Variants in LRRK2 observed in about 807,000 individuals in gnomAD.
LRRK2 encodes the protein leucine rich repeat kinase 2.
A neutral mutation model predicts 302.6 loss-of-function variants in LRRK2; 203 were observed. The ratio of observed to expected loss-of-function variants is 0.67; its 90% CI spans 0.60 to 0.75. The LOEUF is 0.75. Among genes scored for constraint, LRRK2 ranks in the 30% least tolerant of loss-of-function variants. The pLI, the probability that LRRK2 is intolerant of heterozygous loss-of-function variation, is 0.00. For missense variants in LRRK2, 2,830 were observed against 2,951.0 expected, an observed-to-expected ratio of 0.96 and a Z score of 0.95; for synonymous variants, 1,066 against 1,031.9, an observed-to-expected ratio of 1.03 and a Z score of -0.63.
rs1942262073 is a variant in LRRK2 at position 40,251,352 on chromosome 12, A to G, written c.1079A>G (p.His360Arg). ...LEACYKALTW[H>R]RKNKHVQEAA... ...GCCTGTTACAAAGCATTAACGTGGCATAGAAAGAACAAGCACGTGCAGGTA... is the reference window on the plus strand; with the variant it reads ...GCCTGTTACAAAGCATTAACGTGGCGTAGAAAGAACAAGCACGTGCAGGTA... Residue 360 changes from histidine (H) to arginine (R), a missense_variant, in exon 9 of 51, where the codon CAT (histidine) becomes CGT (arginine). Physicochemically the swap from His to Arg is conservative, Grantham distance 29. Transcript: ENST00000298910. 4 of 1,613,926 alleles carry G rather than the reference A, an allele frequency of 2.5e-6. No homozygotes were observed. Among genetic ancestry groups the G allele is most frequent in the Admixed American group, 1.7e-5 (1 of 59,988 alleles).
intron 4 of LRRK2, among the ~76,000 whole-genome samples, chr12:40,236,769 A>G (rs1391369237): frequency 6.6e-6 from 1 of 152,166 alleles, no homozygotes. Flanking sequence ...GGTACTCAAC[A>G]TTTCACTACA....
chr12:40,313,898 A>G (rs1487107866), intron 31 of LRRK2, 74 bp from the exon 32 acceptor site: 4 of 1,219,230 alleles, frequency 3.3e-6, no homozygotes, highest in Non-Finnish European at 4.8e-6. Context: ...AACTGTTAGC[A>G]CTGAATTTGC....
rs534247869 is a variant in LRRK2 at position 40,311,335 on chromosome 12, CAG to C, written c.4536+692_4536+693del. Reference sequence around the variant, plus strand: ...TATAAAATGTAAATAAATCAGTTATCAGAGAGAACACTTTTTTTTTTAAATAC... The same window carrying C: ...TATAAAATGTAAATAAATCAGTTATCAGAGAACACTTTTTTTTTTAAATAC... On this transcript the variant is annotated intron_variant, in intron 31 of 50. Transcript: ENST00000298910. 4.2e-5 allele frequency among the ~76,000 whole-genome samples: 5 copies of C among 118,364 alleles called. No individual in the cohort carries two copies. In the East Asian group the frequency reaches 1.1e-3, roughly 25 times the overall value. The allele number at this position is 118,364 out of a possible 152,430, so 77.7% of individuals were successfully genotyped here.
intron 40 of LRRK2, among the ~76,000 whole-genome samples, chr12:40,337,760 C>T (rs182864845): frequency 2.6e-5 from 4 of 152,330 alleles, no homozygotes; most frequent in Non-Finnish European, 1.5e-5. Flanking sequence ...AACTTCTTGG[C>T]ATAGCATCAA....
chr12:40,313,714 A>G (rs1190281494), intron 31 of LRRK2, among the ~76,000 whole-genome samples: 1 of 151,860 alleles, frequency 6.6e-6, no homozygotes. Context: ...ATTTCTGGAT[A>G]GCGAGATAAA....
intron 21 of LRRK2, among the ~76,000 whole-genome samples, chr12:40,294,125 TATCTATC>T (rs1399347469): frequency 1.6e-5 from 2 of 126,312 alleles, no homozygotes; most frequent in East Asian, 2.3e-4. Context: ...TTCATCTATC[TATCTATC>T]ATCTATCTAT....
intron 46 of LRRK2, 142 bp from the exon 47 acceptor site, chr12:40,359,118 A>T: frequency 1.4e-6 from 1 of 715,522 alleles, no homozygotes; most frequent in South Asian, 1.9e-5. Context: ...TTTTTAATGG[A>T]ATCTTTAGGT....
intron 22 of LRRK2, 128 bp from the exon 23 acceptor site, chr12:40,295,299 T>C (rs1336447746): frequency 1.3e-6 from 1 of 797,296 alleles, no homozygotes; most frequent in Non-Finnish European, 2.1e-6. Context: ...ACTCCATAGT[T>C]TGGTTTTCTA....
chr12:40,339,701 C>T (rs1005398908), intron 40 of LRRK2, among the ~76,000 whole-genome samples: 1 of 151,988 alleles, frequency 6.6e-6, no homozygotes, highest in Non-Finnish European at 1.5e-5. Context: ...GAAGAAGAGA[C>T]TAATAGCAAG....
In LRRK2 at chr12:40,368,468, C is replaced by G. The variant is rs1443288449; in HGVS notation, c.*703C>G. The G allele has an allele frequency of 6.6e-6, 1 of 151,684 alleles. No individual in the cohort carries two copies. Among genetic ancestry groups the G allele is most frequent in the African/African-American group, 2.4e-5 (1 of 41,376 alleles). The allele number at this position is 151,684 out of a possible 1,614,324, so 9.4% of individuals were successfully genotyped here. On this transcript the variant is annotated 3_prime_UTR_variant, in exon 51 of 51. Transcript: ENST00000298910. ...TGTCACAGAAACTCTCTGTGTCTTT[C>G]CTAGACATAATAGAGTTGTTTTTCA...
At chr12:40,352,833 C>T (rs912732679) in intron 44 of LRRK2, among the ~76,000 whole-genome samples, 4 of 152,030 alleles carry the variant, frequency 2.6e-5, no homozygotes, top group African/African-American at 9.7e-5. Context: ...TAGTACAGAA[C>T]AAAATGGAGT....
rs1054105223 is a variant in LRRK2, at chr12:40,364,851, G to A, written c.7191G>A (p.Met2397Ile). The A allele has an allele frequency of 6.8e-6, 11 of 1,610,184 alleles. No individual in the cohort carries two copies. The highest frequency in any genetic ancestry group is 1.7e-5 in the Admixed American group (1 of 59,698). The stretch of plus-strand genomic sequence containing the variant: ...TACTTTATGGTTCTAGGGAGGTAAT[G>A]GTAAAAGAAAACAAGGAATCAAAAC... Reference protein sequence around the residue: ...IDCVHFLREVMVKENKESKHK... With the variant: ...IDCVHFLREVIVKENKESKHK... The change falls in exon 49 of 51, where the codon ATG becomes ATA. Residue 2397 changes from methionine to isoleucine, a missense_variant. Transcript: ENST00000298910.
Position 40,314,087 on chromosome 12 carries a change from A to G in LRRK2, c.4652A>G (p.Lys1551Arg). The G allele has an allele frequency of 1.9e-6, 3 of 1,612,800 alleles. No individual in the cohort carries two copies. The highest frequency in any genetic ancestry group is 2.5e-6 in the Non-Finnish European group (3 of 1,179,072). ...ATTGAATTTCCCGTAATTGACCGGA[A>G]ACGATTATTACAACTAGTGAGAGAA... ...VPIEFPVIDRKRLLQLVRENQ... is the reference protein window; with the variant it reads ...VPIEFPVIDRRRLLQLVRENQ... The change falls in exon 32 of 51, where the codon AAA becomes AGA. Residue 1551 changes from lysine (K) to arginine (R), a missense_variant. Coordinates refer to ENST00000298910, the MANE Select transcript of LRRK2 (RefSeq NM_198578.4).
chr12:40,298,836 A>G (rs28652976), intron 24 of LRRK2, among the ~76,000 whole-genome samples: 161 of 111,798 alleles, frequency 1.4e-3, no homozygotes, highest in East Asian at 2.1e-3. Context: ...TATATTATAT[A>G]TATTTATTAT....
In LRRK2 at chr12:40,352,469, C is replaced by CTTTTTTTTTTTTTTTTTTTTTT. The variant is rs1307806388; in HGVS notation, c.6576+746_6576+747insTTTTTTTTTTTTTTTTTTTTTT. On this transcript the variant is annotated intron_variant, in intron 44 of 50. Transcript: ENST00000298910. Reference sequence around the variant, plus strand: ...AACATTAGTTCTGAGGTTAAACAATCTTTTTTTTTTAATTGATCATTCTTG... The same window carrying CTTTTTTTTTTTTTTTTTTTTTT: ...AACATTAGTTCTGAGGTTAAACAATCTTTTTTTTTTTTTTTTTTTTTTTTTTTTTTTTAATTGATCATTCTTG... 4.8e-5 allele frequency among the ~76,000 whole-genome samples: 5 copies of CTTTTTTTTTTTTTTTTTTTTTT among 104,526 alleles called. 1 individual carries two copies. Among genetic ancestry groups the CTTTTTTTTTTTTTTTTTTTTTT allele is most frequent in the East Asian group, 2.6e-4 (1 of 3,800 alleles). The allele number at this position is 104,526 out of a possible 152,430, so 68.6% of individuals were successfully genotyped here.
At chr12:40,306,955 T>C (rs746491768) in intron 28 of LRRK2, among the ~76,000 whole-genome samples, 3 of 152,116 alleles carry the variant, frequency 2.0e-5, no homozygotes, top group Non-Finnish European at 2.9e-5. Context: ...CTGGAAAAGA[T>C]GGTCATATAA....
At chr12:40,307,373 A>G (rs1379803212) in intron 28 of LRRK2, among the ~76,000 whole-genome samples, 4 of 152,104 alleles carry the variant, frequency 2.6e-5, no homozygotes, top group Non-Finnish European at 5.9e-5. Context: ...TTCAAAATAT[A>G]TCTTTCTCTA....
chr12:40,287,458 T>C lies in LRRK2; in HGVS notation c.2608T>C (p.Ser870Pro). The change falls in exon 20 of 51, where the codon TCT becomes CCT. Residue 870 changes from serine (S) to proline (P), a missense_variant. This residue lies in a region of LRRK2 where 2,121 missense variants were observed against 2,148.0 expected (regional missense o/e 0.99). Transcript: ENST00000298910. Reference protein sequence around the residue: ...SDGNFSEDVLSKFDEWTFIPD... With the variant: ...SDGNFSEDVLPKFDEWTFIPD... ...TGGAAATTTTTCTGAAGATGTGCTG[T>C]CTAAATTTGATGAATGGACCTTTAT... is the stretch of plus-strand genomic sequence containing the variant. The C allele has an allele frequency of 6.2e-7, 1 of 1,612,848 alleles. No homozygotes were observed. Among genetic ancestry groups the C allele is most frequent in the South Asian group, 1.1e-5 (1 of 91,060 alleles).
Position 40,240,615 on chromosome 12 carries a change from C to T in LRRK2, c.704C>T (p.Pro235Leu). Reference sequence around the variant, plus strand: ...CATTGTTTACATTCCCTAGCGATTCCTTGTAAGTAGCATTTAAATGTTATT... The same window carrying T: ...CATTGTTTACATTCCCTAGCGATTCTTTGTAAGTAGCATTTAAATGTTATT... ...VLHCLHSLAI[P>L]CNNVEVLMSG... Residue 235 changes from proline (P) to leucine (L), a missense_variant and splice_region_variant, in exon 6 of 51, where the codon CCT (proline) becomes CTT (leucine). This residue lies in a region of LRRK2 where 2,121 missense variants were observed against 2,148.0 expected (regional missense o/e 0.99). Transcript: ENST00000298910. The T allele has an allele frequency of 6.2e-7, 1 of 1,612,714 alleles. No homozygotes were observed. The highest frequency in any genetic ancestry group is 8.5e-7 in the Non-Finnish European group (1 of 1,179,164).
Sources: allele counts gnomAD v4.1 joint callset (sites outside exome capture counted in the v4.1 genomes callset), GRCh38; gene constraint gnomAD v4.1.1; regional missense constraint gnomAD v4.1.1; transcripts MANE v1.5; gene names NCBI Gene and HGNC (gene_info 2026-07-23, HGNC 2026-07-21).